DNAH11: variants seen among roughly 807,000 people sequenced by gnomAD.
The protein encoded by DNAH11 is axonemal beta dynein heavy chain 11.
In DNAH11, 442 loss-of-function variants were observed where a neutral mutation model predicts 526.0. That is an observed-to-expected ratio of 0.84 (90% confidence interval 0.78 to 0.91). The LOEUF (loss-of-function observed/expected upper bound fraction) is 0.91, where lower values mean the gene tolerates loss of function less well. Ranked by LOEUF, DNAH11 falls within the 40% of genes least tolerant of loss-of-function variation. The pLI, the probability that DNAH11 is intolerant of heterozygous loss-of-function variation, is 0.00. For missense variants in DNAH11, 6,989 were observed against 5,448.7 expected, an observed-to-expected ratio of 1.28 and a Z score of -8.90; for synonymous variants, 2,461 against 1,935.9, an observed-to-expected ratio of 1.27 and a Z score of -7.12.
intron 28 of DNAH11, among the ~76,000 whole-genome samples, chr7:21,639,376 A>C (rs1006406235): frequency 1.3e-5 from 2 of 152,148 alleles, no homozygotes; most frequent in Non-Finnish European, 2.9e-5. Context: ...TGGGACATCC[A>C]TTGCCTGGTT....
intron 61 of DNAH11, among the ~76,000 whole-genome samples, chr7:21,789,897 C>CCTTTCCCCT (rs1562547448): frequency 7.7e-6 from 1 of 129,056 alleles, no homozygotes; most frequent in African/African-American, 3.1e-5. Context: ...TCTTTCCTTT[C>CCTTTCCCCT]CCCTCCCTCC....
chr7:21,679,268 G>A (rs532768813), intron 30 of DNAH11, among the ~76,000 whole-genome samples: 6 of 152,156 alleles, frequency 3.9e-5, no homozygotes, highest in Non-Finnish European at 5.9e-5. Flanking sequence ...ATTGGTCAAA[G>A]GGTACAAACT....
At chr7:21,874,581 T>C (rs557268627) in intron 74 of DNAH11, among the ~76,000 whole-genome samples, 1 of 152,020 alleles carries the variant, frequency 6.6e-6, no homozygotes, top group Non-Finnish European at 1.5e-5. Context: ...GGTGATCTGT[T>C]CACCTTGGCC....
intron 56 of DNAH11, among the ~76,000 whole-genome samples, chr7:21,775,134 C>G (rs567331537): frequency 1.1e-3 from 171 of 152,214 alleles, no homozygotes; most frequent in African/African-American, 3.9e-3. Context: ...GTTTTCTATA[C>G]CAAGAATGAC....
chr7:21,585,479 A>G (rs1583503143), intron 9 of DNAH11, among the ~76,000 whole-genome samples: 3 of 152,330 alleles, frequency 2.0e-5, no homozygotes, highest in Admixed American at 6.5e-5. Flanking sequence ...AGTACCTGCT[A>G]TTGTCACAGA....
At chr7:21,744,848 T>G in intron 50 of DNAH11, 22 bp from the exon 51 acceptor site, 1 of 1,591,260 alleles carries the variant, frequency 6.3e-7, no homozygotes, top group Non-Finnish European at 8.5e-7. Flanking sequence ...CATGCCATAT[T>G]TTTCTCTTTC....
chr7:21,766,825 T>C (rs933376241), intron 55 of DNAH11, among the ~76,000 whole-genome samples: 1 of 152,150 alleles, frequency 6.6e-6, no homozygotes, highest in Non-Finnish European at 1.5e-5. Flanking sequence ...AAATGTTTAT[T>C]AATCTAATTA....
At chr7:21,612,288 GC>G (rs1785554259) in intron 20 of DNAH11, among the ~76,000 whole-genome samples, 1 of 152,058 alleles carries the variant, frequency 6.6e-6, no homozygotes, top group Non-Finnish European at 1.5e-5. Context: ...GGGCATGGTG[GC>G]TCACGCCTGT....
intron 25 of DNAH11, among the ~76,000 whole-genome samples, chr7:21,620,966 G>A (rs146747871): frequency 2.2e-4 from 34 of 152,090 alleles, no homozygotes; most frequent in Admixed American, 3.3e-4. Flanking sequence ...GTCTATCCTC[G>A]TTGGACATTT....
intron 61 of DNAH11, among the ~76,000 whole-genome samples, chr7:21,793,699 GT>G (rs1788575803): frequency 6.6e-6 from 1 of 152,066 alleles, no homozygotes; most frequent in African/African-American, 2.4e-5. Flanking sequence ...GTAGTCTAGT[GT>G]TTAGTTTATC....
At chr7:21,831,822 G>A (rs1407684369) in intron 65 of DNAH11, among the ~76,000 whole-genome samples, 1 of 152,184 alleles carries the variant, frequency 6.6e-6, no homozygotes, top group Admixed American at 6.5e-5. Flanking sequence ...CAGGCGCAGT[G>A]GCTCACGCCT....
chr7:21,790,343 A>G lies in DNAH11; in HGVS notation c.10026+1001A>G, dbSNP rs187840905. On this transcript the variant is annotated intron_variant, in intron 61 of 81. Transcript: ENST00000409508. ...CGGGTGACTGTAGTCCCAGCTACTC[A>G]GGAGGCTGAGGCAGGAGAATGGCGT... Among the ~76,000 whole-genome samples, 1,238 of 152,152 alleles carry G rather than the reference A, an allele frequency of 8.1e-3. 16 individuals carry two copies. The highest frequency in any genetic ancestry group is 0.028 in the African/African-American group (1,158 of 41,518).
intron 77 of DNAH11, 113 bp downstream of exon 77, chr7:21,892,780 C>G: frequency 4.2e-6 from 5 of 1,186,436 alleles, no homozygotes; most frequent in Non-Finnish European, 5.8e-6. Context: ...TTTACTCATA[C>G]AACCACCACC....
intron 30 of DNAH11, among the ~76,000 whole-genome samples, chr7:21,662,058 G>T (rs1234252477): frequency 6.6e-6 from 1 of 152,018 alleles, no homozygotes; most frequent in Non-Finnish European, 1.5e-5. Flanking sequence ...ACCTCAAGAT[G>T]ATCCACCTGC....
At position 21,793,526 on chromosome 7, in the gene DNAH11, G is replaced by A. The variant is rs1224547624; in HGVS notation, c.10026+4184G>A. On this transcript the variant is annotated intron_variant, in intron 61 of 81. Coordinates refer to ENST00000409508, the MANE Select transcript of DNAH11 (RefSeq NM_001277115.2). The stretch of plus-strand genomic sequence containing the variant: ...AGCTACTCAGAAGGCTGAGGCAGGG[G>A]AATCACTTGAAGCTGGGAGGTGAAG... Among the ~76,000 whole-genome samples, 6 of 151,054 alleles carry A rather than the reference G, an allele frequency of 4.0e-5. No homozygotes were observed. The East Asian group carries it at 1.2e-3, about 30-fold the overall frequency.
chr7:21,709,124 C>T (rs1784372510), intron 40 of DNAH11, among the ~76,000 whole-genome samples: 1 of 152,170 alleles, frequency 6.6e-6, no homozygotes, highest in Non-Finnish European at 1.5e-5. Flanking sequence ...GACACATTCA[C>T]TCATATGTTC....
rs1784801762 is a variant in DNAH11 at position 21,901,134 on chromosome 7, G to C, written c.13431G>C (p.Glu4477Asp). The C allele has an allele frequency of 6.2e-7, 1 of 1,613,294 alleles. No homozygotes were observed. The highest frequency in any genetic ancestry group is 1.7e-5 in the Admixed American group (1 of 59,916). The change falls in exon 82 of 82, where the codon GAG (glutamate) becomes GAC (aspartate). Residue 4477 changes from glutamate to aspartate, a missense_variant. Coordinates refer to ENST00000409508, the MANE Select transcript of DNAH11 (RefSeq NM_001277115.2). The part of the protein sequence containing the change: ...VDRQETKQTY[E>D]CPVYRTKLRG... ...GACAAGAAACCAAACAGACCTACGA[G>C]TGCCCTGTGTATAGAACCAAACTGA...
At chr7:21,633,366 T>G (rs1786709081) in intron 25 of DNAH11, among the ~76,000 whole-genome samples, 1 of 152,234 alleles carries the variant, frequency 6.6e-6, no homozygotes, top group East Asian at 1.9e-4. Flanking sequence ...TCTCTCTTGA[T>G]TTTCTGTCCA....
intron 6 of DNAH11, among the ~76,000 whole-genome samples, chr7:21,569,630 A>G (rs772983953): frequency 1.3e-5 from 2 of 152,198 alleles, no homozygotes; most frequent in Non-Finnish European, 2.9e-5. Flanking sequence ...ACTCCTAATC[A>G]GCTCTTTCTC....
Sources: gnomAD v4.1 joint callset for allele counts (sites outside exome capture counted in the v4.1 genomes callset) on GRCh38, gnomAD v4.1.1 for gene constraint, MANE v1.5 for transcripts, NCBI Gene and HGNC (gene_info 2026-07-23, HGNC 2026-07-21) for gene names.